The following B4GALNT3 variants were observed in gnomAD, a reference collection of about 807,000 sequenced individuals.
B4GALNT3 encodes the protein beta-1,4-N-acetyl-galactosaminyltransferase 3.
A neutral mutation model predicts 120.2 loss-of-function variants in B4GALNT3; 86 were observed. The ratio of observed to expected loss-of-function variants is 0.72; its 90% CI spans 0.60 to 0.86. The LOEUF (loss-of-function observed/expected upper bound fraction) is 0.86. Ranked by LOEUF, B4GALNT3 falls within the 40% of genes least tolerant of loss-of-function variation. The pLI is 0.00. For synonymous variants in B4GALNT3, 518 were observed against 510.4 expected, an observed-to-expected ratio of 1.01 and a Z score of -0.20; for missense variants, 1,167 against 1,298.9, an observed-to-expected ratio of 0.90 and a Z score of 1.56.
intron 3 of B4GALNT3, among the ~76,000 whole-genome samples, chr12:542,190 G>A (rs1334689091): frequency 6.6e-6 from 1 of 152,116 alleles, no homozygotes; most frequent in East Asian, 1.9e-4. Context: ...CCAGGCCAGT[G>A]TGCCCCATTA....
chr12:535,418 C>T, intron 2 of B4GALNT3, 149 bp downstream of exon 2: 1 of 604,408 alleles, frequency 1.7e-6, no homozygotes, highest in Admixed American at 2.9e-5. Flanking sequence ...GGCCTCAGGA[C>T]CTCCTAGCTG....
At chr12:544,295 T>C in intron 3 of B4GALNT3, 44 bp from the exon 4 acceptor site, 1 of 1,584,784 alleles carries the variant, frequency 6.3e-7, no homozygotes, top group Non-Finnish European at 8.6e-7. Flanking sequence ...GGGGCGGGCA[T>C]GGGGTGCTCA....
chr12:545,289 G>A, intron 5 of B4GALNT3, 80 bp from the exon 6 acceptor site: 3 of 1,526,356 alleles, frequency 2.0e-6, no homozygotes, highest in South Asian at 1.2e-5. Context: ...GAATTTAATC[G>A]CTAAGACACT....
At chr12:465,932 G>A (rs1265602881) in intron 1 of B4GALNT3, among the ~76,000 whole-genome samples, 1 of 147,714 alleles carries the variant, frequency 6.8e-6, no homozygotes, top group Non-Finnish European at 1.5e-5. Context: ...TGGTCCTGGG[G>A]CTGCCTGCCA....
chr12:468,559 G>A (rs142825058), intron 1 of B4GALNT3, among the ~76,000 whole-genome samples: 181 of 152,216 alleles, frequency 1.2e-3, no homozygotes, highest in African/African-American at 4.2e-3. Context: ...GAGAACAGCC[G>A]AGAGACTGGC....
intron 1 of B4GALNT3, among the ~76,000 whole-genome samples, chr12:533,667 C>T (rs148342239): frequency 9.8e-5 from 15 of 152,314 alleles, no homozygotes; most frequent in Non-Finnish European, 1.3e-4. Flanking sequence ...AGACTCGGAG[C>T]GCTCTTTCCC....
intron 1 of B4GALNT3, among the ~76,000 whole-genome samples, chr12:476,156 A>C (rs934022589): frequency 6.6e-5 from 10 of 152,184 alleles, no homozygotes; most frequent in Admixed American, 6.5e-4. Flanking sequence ...ATTGAGCCTC[A>C]ATATGTCCCA....
chr12:523,075 A>G (rs951392737), intron 1 of B4GALNT3, among the ~76,000 whole-genome samples: 2 of 152,184 alleles, frequency 1.3e-5, no homozygotes, highest in South Asian at 2.1e-4. Context: ...ACTTCCTTCG[A>G]GGCACCTTTG....
chr12:474,420 T>A (rs1361574503), intron 1 of B4GALNT3, among the ~76,000 whole-genome samples: 1 of 152,198 alleles, frequency 6.6e-6, no homozygotes. Context: ...TTTTGTCTGT[T>A]TGTCTTCCCC....
rs905129195 is a variant in B4GALNT3, at chr12:561,655, G to A, written c.*204G>A. 7 of 563,534 alleles carry A rather than the reference G, an allele frequency of 1.2e-5. No individual in the cohort carries two copies. Among genetic ancestry groups the A allele is most frequent in the African/African-American group, 1.1e-4 (6 of 53,168 alleles). The allele number at this position is 563,534 out of a possible 1,614,324, so 34.9% of individuals were successfully genotyped here. ...TCTCTGCCTCCTGGGCCTTCAGAAG[G>A]GAGGACTTTGAGAGAGAGGCCAGGA... On this transcript the variant is annotated 3_prime_UTR_variant, in exon 20 of 20. Transcript: ENST00000266383.
chr12:466,846 T>C (rs547262951), intron 1 of B4GALNT3, among the ~76,000 whole-genome samples: 1 of 152,166 alleles, frequency 6.6e-6, no homozygotes, highest in Non-Finnish European at 1.5e-5. Context: ...AAAATAAACA[T>C]GCAAATCGTC....
intron 1 of B4GALNT3, among the ~76,000 whole-genome samples, chr12:477,505 G>A (rs961455703): frequency 6.6e-6 from 1 of 152,198 alleles, no homozygotes; most frequent in African/African-American, 2.4e-5. Flanking sequence ...CACATTGCAC[G>A]AGAAAGGCCA....
intron 1 of B4GALNT3, among the ~76,000 whole-genome samples, chr12:480,929 A>G (rs1243768168): frequency 1.3e-5 from 2 of 152,228 alleles, no homozygotes; most frequent in African/African-American, 4.8e-5. Context: ...AGTCCCTCTC[A>G]GCCTTGCCTC....
At chr12:536,151 C>T in intron 2 of B4GALNT3, 67 bp from the exon 3 acceptor site, 1 of 1,389,538 alleles carries the variant, frequency 7.2e-7, no homozygotes, top group Non-Finnish European at 1.0e-6. Flanking sequence ...GGCACTGTGC[C>T]TCCTGTCCTG....
chr12:543,451 G>A, intron 3 of B4GALNT3, among the ~76,000 whole-genome samples: 1 of 126,102 alleles, frequency 7.9e-6, no homozygotes, highest in Non-Finnish European at 1.7e-5. Flanking sequence ...AGCTGGGGCG[G>A]GCATGGGGTG....
intron 1 of B4GALNT3, among the ~76,000 whole-genome samples, chr12:507,498 G>T (rs184752717): frequency 6.6e-6 from 1 of 152,328 alleles, no homozygotes; most frequent in Admixed American, 6.5e-5. Context: ...AGAGAACATG[G>T]ATGTAAATGA....
intron 1 of B4GALNT3, among the ~76,000 whole-genome samples, chr12:520,320 AG>A (rs1327831297): frequency 1.3e-5 from 2 of 152,224 alleles, no homozygotes; most frequent in Non-Finnish European, 2.9e-5. Flanking sequence ...TGAGGACTAT[AG>A]AGATCTTTGA....
At chr12:530,686 C>T (rs557556757) in intron 1 of B4GALNT3, among the ~76,000 whole-genome samples, 2 of 152,302 alleles carry the variant, frequency 1.3e-5, no homozygotes, top group South Asian at 4.1e-4. Context: ...GAGAAGACAA[C>T]ACTTAACAGG....
intron 6 of B4GALNT3, 70 bp downstream of exon 6, chr12:545,539 G>T: frequency 7.1e-7 from 1 of 1,412,106 alleles, no homozygotes; most frequent in Non-Finnish European, 9.7e-7. Context: ...TCCAGCAGCT[G>T]CTCATTACTG....
Sources: gnomAD v4.1 joint callset for allele counts (sites outside exome capture counted in the v4.1 genomes callset) on GRCh38, gnomAD v4.1.1 for gene constraint, MANE v1.5 for transcripts, NCBI Gene and HGNC (gene_info 2026-07-23, HGNC 2026-07-21) for gene names.